The following GALNT13 variants were observed in gnomAD, a reference collection of about 807,000 sequenced individuals.
The protein encoded by GALNT13 is UDP-GalNAc:polypeptide N-acetylgalactosaminyltransferase 13.
A neutral mutation model predicts 64.2 loss-of-function variants in GALNT13; 28 were observed. That is an observed-to-expected ratio of 0.44 (90% CI 0.32 to 0.60). The LOEUF (loss-of-function observed/expected upper bound fraction) is 0.60, where lower values mean the gene tolerates loss of function less well. Among genes scored for constraint, GALNT13 ranks in the 20% least tolerant of loss-of-function variants. The probability of loss-of-function intolerance (pLI) is 0.05; values close to 1 mark genes in which losing one functional copy is unlikely to be tolerated. For missense variants in GALNT13, 577 were observed against 669.8 expected (o/e 0.86, Z 1.53); for synonymous variants, 214 against 224.6 (o/e 0.95, Z 0.42).
At chr2:154,091,317 G>A (rs10196038) in intron 3 of GALNT13, among the ~76,000 whole-genome samples, 4 of 151,482 alleles carry the variant, frequency 2.6e-5, no homozygotes, top group African/African-American at 9.7e-5. Flanking sequence ...AATTTTTAAC[G>A]TTCTGTTCTT....
At chr2:153,603,056 A>G in the GALNT13 span, among the ~76,000 whole-genome samples, 4 of 151,868 alleles carry the variant, frequency 2.6e-5, no homozygotes, top group African/African-American at 7.2e-5. Context: ...GTCCTCTACT[A>G]TTCCACCGTA....
chr2:153,725,758 A>G, the GALNT13 span, among the ~76,000 whole-genome samples: 1 of 140,610 alleles, frequency 7.1e-6, no homozygotes, highest in South Asian at 2.4e-4. Context: ...TGAAACTTTA[A>G]TTGGCATTCC....
At chr2:153,781,622 AT>A in the GALNT13 span, among the ~76,000 whole-genome samples, 1 of 152,068 alleles carries the variant, frequency 6.6e-6, no homozygotes, top group Non-Finnish European at 1.5e-5. Context: ...TACACAAAAT[AT>A]TTTTTATGTT....
the GALNT13 span, among the ~76,000 whole-genome samples, chr2:153,112,322 G>A: frequency 6.6e-6 from 1 of 152,060 alleles, no homozygotes. Context: ...CCCTTCATTA[G>A]CTGTGGATGG....
the GALNT13 span, among the ~76,000 whole-genome samples, chr2:153,703,996 G>A: frequency 6.6e-6 from 1 of 151,954 alleles, no homozygotes; most frequent in Admixed American, 6.6e-5. Flanking sequence ...CAGTCCTATA[G>A]AATACTCTAT....
chr2:154,350,259 C>T (rs116338113), intron 9 of GALNT13, among the ~76,000 whole-genome samples: 4 of 152,042 alleles, frequency 2.6e-5, no homozygotes, highest in Non-Finnish European at 5.9e-5. Context: ...GTGGACTGGG[C>T]GAGGCAGACC....
intron 9 of GALNT13, among the ~76,000 whole-genome samples, chr2:154,317,933 TA>T (rs61212172): frequency 1.4e-3 from 204 of 144,676 alleles, no homozygotes; most frequent in East Asian, 2.4e-3. Flanking sequence ...TACCAAAATC[TA>T]AAAAAAAAAA....
chr2:153,316,160 A>G, the GALNT13 span, among the ~76,000 whole-genome samples: 8,622 of 152,066 alleles, frequency 0.057, 820 homozygotes, highest in African/African-American at 0.2. Flanking sequence ...AAGACTGACA[A>G]TCTCAAGCAT....
the GALNT13 span, among the ~76,000 whole-genome samples, chr2:153,214,212 C>A: frequency 6.6e-6 from 1 of 152,082 alleles, no homozygotes; most frequent in Admixed American, 6.5e-5. Context: ...CCACAGCGTA[C>A]AATACCCTTG....
At chr2:154,446,623 C>A (rs773188998) in intron 12 of GALNT13, 2 of 1,548,424 alleles carry the variant, frequency 1.3e-6, no homozygotes, top group South Asian at 2.4e-5. Flanking sequence ...AACAAAGTAG[C>A]TGATGGCTCC....
At chr2:153,784,009 G>A in the GALNT13 span, among the ~76,000 whole-genome samples, 2 of 152,256 alleles carry the variant, frequency 1.3e-5, no homozygotes, top group South Asian at 4.1e-4. Context: ...TACCCAAAAT[G>A]TGACCCGTAA....
the GALNT13 span, among the ~76,000 whole-genome samples, chr2:153,674,494 C>A: frequency 6.6e-6 from 1 of 152,022 alleles, no homozygotes; most frequent in Non-Finnish European, 1.5e-5. Context: ...AACTGGCTAG[C>A]CAAATGTAGA....
the GALNT13 span, among the ~76,000 whole-genome samples, chr2:153,116,429 A>G: frequency 6.6e-6 from 1 of 152,184 alleles, no homozygotes; most frequent in Non-Finnish European, 1.5e-5. Flanking sequence ...ATTTATTCCA[A>G]TTATCCAGTC....
At chr2:154,201,119 G>A (rs999615596) in intron 4 of GALNT13, among the ~76,000 whole-genome samples, 2 of 152,082 alleles carry the variant, frequency 1.3e-5, no homozygotes, top group South Asian at 4.1e-4. Flanking sequence ...CTATTATCAA[G>A]TTCAGCTAGC....
chr2:154,367,573 A>G (rs1006824932), intron 9 of GALNT13, among the ~76,000 whole-genome samples: 4 of 152,176 alleles, frequency 2.6e-5, no homozygotes, highest in Non-Finnish European at 4.4e-5. Flanking sequence ...TACCATTTCA[A>G]GAGTATAAAA....
intron 3 of GALNT13, among the ~76,000 whole-genome samples, chr2:154,060,488 T>C (rs562524207): frequency 2.0e-5 from 3 of 152,246 alleles, no homozygotes; most frequent in East Asian, 3.9e-4. Flanking sequence ...CCTGAGTAGC[T>C]GGGACTAAGG....
At chr2:154,003,473 G>A (rs1291760734) in intron 3 of GALNT13, among the ~76,000 whole-genome samples, 1 of 152,148 alleles carries the variant, frequency 6.6e-6, no homozygotes, top group African/African-American at 2.4e-5. Context: ...ACTCAAGGTG[G>A]CATTCTTGCC....
the GALNT13 span, among the ~76,000 whole-genome samples, chr2:153,179,645 G>T: frequency 1.3e-5 from 2 of 152,052 alleles, no homozygotes; most frequent in Admixed American, 1.3e-4. Flanking sequence ...CTGTGCCTAG[G>T]ATGGATATTT....
At chr2:153,739,986 T>G in the GALNT13 span, among the ~76,000 whole-genome samples, 1 of 151,952 alleles carries the variant, frequency 6.6e-6, no homozygotes, top group African/African-American at 2.4e-5. Context: ...ATGTTTTTTC[T>G]TCATAAAAAT....
Sources: allele counts gnomAD v4.1 joint callset (sites outside exome capture counted in the v4.1 genomes callset), GRCh38; gene constraint gnomAD v4.1.1; transcripts MANE v1.5; gene names NCBI Gene and HGNC (gene_info 2026-07-23, HGNC 2026-07-21).